Variants in CA10 observed in about 807,000 individuals in gnomAD.
CA10 encodes the protein carbonic anhydrase-related protein 10.
In CA10, 14 loss-of-function variants were observed where a neutral mutation model predicts 44.2. That is an observed-to-expected ratio of 0.32 (90% CI 0.21 to 0.50). The LOEUF (loss-of-function observed/expected upper bound fraction) is 0.50. Ranked by LOEUF, CA10 falls within the 20% of genes least tolerant of loss-of-function variation. The pLI is 0.99. For missense variants in CA10, 350 were observed against 409.7 expected (o/e 0.85, Z 1.26); for synonymous variants, 159 against 141.6 (o/e 1.12, Z -0.87).
chr17:51,696,886 G>A (rs1915421109), intron 4 of CA10, among the ~76,000 whole-genome samples: 1 of 152,156 alleles, frequency 6.6e-6, no homozygotes, highest in Non-Finnish European at 1.5e-5. Context: ...ACTAAAACGA[G>A]TTTGATGCAA....
chr17:51,842,080 G>C (rs965044853), intron 3 of CA10, among the ~76,000 whole-genome samples: 2 of 152,130 alleles, frequency 1.3e-5, no homozygotes. Flanking sequence ...TCCTGTGATA[G>C]TCTGAGACTA....
intron 2 of CA10, among the ~76,000 whole-genome samples, chr17:51,978,617 T>C (rs2144082897): frequency 6.6e-6 from 1 of 152,242 alleles, no homozygotes; most frequent in East Asian, 1.9e-4. Flanking sequence ...TTTTTGGTCT[T>C]AAGGTAGGCA....
intron 1 of CA10, among the ~76,000 whole-genome samples, chr17:52,080,389 T>C (rs893086423): frequency 6.6e-6 from 1 of 151,372 alleles, no homozygotes; most frequent in Non-Finnish European, 1.5e-5. Flanking sequence ...GAGGCGGAGC[T>C]TGCAGTGAGC....
At chr17:51,925,836 TA>T (rs1567887723) in intron 3 of CA10, among the ~76,000 whole-genome samples, 1 of 152,006 alleles carries the variant, frequency 6.6e-6, no homozygotes, top group African/African-American at 2.4e-5. Flanking sequence ...AAGCCAGACA[TA>T]AAAAAGATAA....
intron 3 of CA10, among the ~76,000 whole-genome samples, chr17:51,823,558 T>C (rs1907897630): frequency 6.6e-6 from 1 of 152,238 alleles, no homozygotes; most frequent in East Asian, 1.9e-4. Context: ...GTGCTCACTG[T>C]AGAGGGAGAA....
intron 2 of CA10, among the ~76,000 whole-genome samples, chr17:51,991,089 A>G (rs998264143): frequency 1.3e-5 from 2 of 152,160 alleles, no homozygotes; most frequent in Non-Finnish European, 2.9e-5. Flanking sequence ...GATAAACACT[A>G]TGAATCTCAG....
rs543414796 is a variant in CA10, at chr17:51,863,999, G to A, written c.279+66991C>T. ...TAACCAGTCCCTTTCCTTTCCCCATGGGTTAATATTAGGCAGCTCAAAGCC... is the reference window on the plus strand; with the variant it reads ...TAACCAGTCCCTTTCCTTTCCCCATAGGTTAATATTAGGCAGCTCAAAGCC... On this transcript the variant is annotated intron_variant, in intron 3 of 8. Coordinates refer to ENST00000451037, the MANE Select transcript of CA10 (RefSeq NM_020178.5). 3.9e-5 allele frequency among the ~76,000 whole-genome samples: 6 copies of A among 152,228 alleles called. No individual in the cohort carries two copies. In the East Asian group the frequency reaches 1.2e-3, roughly 29 times the overall value.
At chr17:51,976,671 A>G (rs1237990770) in intron 2 of CA10, among the ~76,000 whole-genome samples, 1 of 152,068 alleles carries the variant, frequency 6.6e-6, no homozygotes, top group Non-Finnish European at 1.5e-5. Flanking sequence ...TATAAAAGCA[A>G]TGGTCTAAGA....
chr17:51,650,000 G>C (rs200676409), intron 5 of CA10, among the ~76,000 whole-genome samples: 1 of 150,880 alleles, frequency 6.6e-6, no homozygotes. Context: ...CAGCCAGCCA[G>C]CCAGCCACCC....
intron 2 of CA10, among the ~76,000 whole-genome samples, chr17:51,956,695 A>G (rs1433995667): frequency 1.3e-5 from 2 of 152,188 alleles, no homozygotes; most frequent in Non-Finnish European, 2.9e-5. Flanking sequence ...TAGGGTAGAA[A>G]AGAAATTATG....
intron 3 of CA10, among the ~76,000 whole-genome samples, chr17:51,852,170 G>A (rs1452374723): frequency 3.3e-5 from 5 of 152,168 alleles, no homozygotes; most frequent in African/African-American, 1.2e-4. Flanking sequence ...AGAAGCACCC[G>A]GTTTGTCACT....
At chr17:51,716,436 C>T (rs1441094955) in intron 4 of CA10, among the ~76,000 whole-genome samples, 1 of 152,030 alleles carries the variant, frequency 6.6e-6, no homozygotes, top group Non-Finnish European at 1.5e-5. Context: ...GTTCTCTCCC[C>T]TTTTTTGGCC....
At chr17:52,067,214 G>T (rs1159566871) in intron 2 of CA10, among the ~76,000 whole-genome samples, 1 of 152,234 alleles carries the variant, frequency 6.6e-6, no homozygotes, top group Non-Finnish European at 1.5e-5. Context: ...TGGGCCCAAG[G>T]CCTAGCTGCT....
At chr17:51,848,652 C>A (rs1350298109) in intron 3 of CA10, among the ~76,000 whole-genome samples, 3 of 152,210 alleles carry the variant, frequency 2.0e-5, no homozygotes, top group African/African-American at 7.2e-5. Context: ...CCTGGGACAA[C>A]TGGAGTCACA....
chr17:51,768,322 G>A lies in CA10; in HGVS notation c.280-20504C>T, dbSNP rs183986971. On this transcript the variant is annotated intron_variant, in intron 3 of 8. Transcript: ENST00000451037. ...GGATTGAGATTCAGCTTTCAAAAGC[G>A]ACTCTCCATCACTGTCTTCTTTCAA... 2.7e-3 allele frequency among the ~76,000 whole-genome samples: 414 copies of A among 152,198 alleles called. 5 individuals are homozygous for A. Among genetic ancestry groups the A allele is most frequent in the Non-Finnish European group, 1.5e-3 (102 of 68,010 alleles).
At position 51,855,191 on chromosome 17, in the gene CA10, G is replaced by A. The variant is rs553621072; in HGVS notation, c.279+75799C>T. The stretch of plus-strand genomic sequence containing the variant: ...ATCTATAAAATGGAGGATAACGCCA[G>A]CTTGAAGAGTTATGAGGAAGAGGTA... On this transcript the variant is annotated intron_variant, in intron 3 of 8. Transcript: ENST00000451037. 6.6e-5 allele frequency among the ~76,000 whole-genome samples: 10 copies of A among 152,282 alleles called. No homozygotes were observed. In the East Asian group the frequency reaches 1.4e-3, roughly 21 times the overall value.
chr17:52,013,541 T>A (rs4793728), intron 2 of CA10, among the ~76,000 whole-genome samples: 18,080 of 151,872 alleles, frequency 0.12, 1,543 homozygotes, highest in East Asian at 0.43. Context: ...CCACATAGAA[T>A]TCAACACACA....
chr17:52,068,968 G>A (rs986846260), intron 2 of CA10, among the ~76,000 whole-genome samples: 8 of 152,292 alleles, frequency 5.3e-5, no homozygotes, highest in South Asian at 2.1e-4. Context: ...TGTCTACAGC[G>A]TAAGCCGATA....
chr17:52,009,464 G>A (rs1414063196), intron 2 of CA10, among the ~76,000 whole-genome samples: 1 of 151,928 alleles, frequency 6.6e-6, no homozygotes, highest in Non-Finnish European at 1.5e-5. Context: ...GCTGAACTAT[G>A]GTGCTGATGT....
Sources: allele counts gnomAD v4.1 joint callset (sites outside exome capture counted in the v4.1 genomes callset), GRCh38; gene constraint gnomAD v4.1.1; transcripts MANE v1.5; gene names NCBI Gene and HGNC (gene_info 2026-07-23, HGNC 2026-07-21).